Variants in ARHGAP32 observed in about 807,000 individuals in gnomAD.
ARHGAP32 encodes the protein Rho GTPase activating protein 32.
Under a neutral mutation model 186.5 loss-of-function variants are expected in ARHGAP32, and 51 were observed. That is an observed-to-expected ratio of 0.27 (90% CI 0.22 to 0.35). The LOEUF is 0.35. Ranked by LOEUF, ARHGAP32 falls within the 10% of genes least tolerant of loss-of-function variation. ARHGAP32 has a pLI of 1.00. For synonymous variants in ARHGAP32, 950 were observed against 964.3 expected (o/e 0.99, Z 0.27); for missense variants, 2,186 against 2,623.5 (o/e 0.83, Z 3.64).
intron 10 of ARHGAP32, among the ~76,000 whole-genome samples, chr11:129,050,469 T>C (rs1301762273): frequency 2.0e-5 from 3 of 152,152 alleles, no homozygotes; most frequent in Non-Finnish European, 4.4e-5. Flanking sequence ...GCCTCCCAAG[T>C]AGCCGGGACT....
At chr11:129,129,456 TG>T (rs1395187246) in intron 2 of ARHGAP32, among the ~76,000 whole-genome samples, 4 of 141,018 alleles carry the variant, frequency 2.8e-5, no homozygotes, top group African/African-American at 1.1e-4. Flanking sequence ...GTCTGGGAGG[TG>T]GGGGGCGCCT....
In ARHGAP32 at chr11:128,970,343, G is replaced by A. The variant is rs754400466; in HGVS notation, c.4870C>T (p.Pro1624Ser). 5 of 1,614,064 alleles carry A rather than the reference G, an allele frequency of 3.1e-6. No individual in the cohort carries two copies. In the African/African-American group the frequency reaches 6.7e-5, roughly 22 times the overall value. Reference sequence around the variant, plus strand: ...TACAGAGGTCTTGGGCAGTAGGCTGGCTCATCATCTGGGGGAACTTCTGTC... The same window carrying A: ...TACAGAGGTCTTGGGCAGTAGGCTGACTCATCATCTGGGGGAACTTCTGTC... The part of the protein sequence containing the change: ...SRTEVPPDDE[P>S]AYCPRPLYQY... The change falls in exon 23 of 23, where the codon CCA becomes TCA. Residue 1624 changes from proline to serine, a missense_variant. By Grantham distance (74) the Pro-to-Ser change is moderately conservative (BLOSUM62 -1). Around this residue, in one of 5 missense-constraint regions of ARHGAP32, gnomAD observed 1,502 missense variants for 1,570.0 expected, o/e 0.96. Coordinates refer to ENST00000682385, the MANE Select transcript of ARHGAP32 (RefSeq NM_001378024.1). This position sits in a 1 kb window ranked among gnomAD's most constrained non-coding sequence, Gnocchi z 5.8.
rs563917816 is a variant in ARHGAP32 at position 129,212,763 on chromosome 11, G to A, written c.-4-48336C>T. Among the ~76,000 whole-genome samples the A allele has an allele frequency of 5.2e-4, 79 of 152,170 alleles. 1 individual carries two copies. The South Asian group carries it at 0.016, about 31-fold the overall frequency. On this transcript the variant is annotated intron_variant, in intron 1 of 6. Transcript: ENST00000525234. ...ACTTGTTGTGTACTTAAATATTTGT[G>A]ATCCAATTTGATCATTAAACATTGT...
chr11:129,067,679 T>C (rs537756918), intron 6 of ARHGAP32, among the ~76,000 whole-genome samples: 1 of 152,032 alleles, frequency 6.6e-6, no homozygotes, highest in Non-Finnish European at 1.5e-5. Context: ...ATCCCGACTG[T>C]ATAGCATATA....
intron 1 of ARHGAP32, among the ~76,000 whole-genome samples, chr11:129,270,224 AG>A (rs1335990051): frequency 6.6e-6 from 1 of 152,224 alleles, no homozygotes; most frequent in African/African-American, 2.4e-5. Context: ...AAGACAGGGA[AG>A]AAACTTAAAT....
chr11:129,040,470 T>C (rs1205133538), intron 11 of ARHGAP32, among the ~76,000 whole-genome samples: 1 of 152,198 alleles, frequency 6.6e-6, no homozygotes, highest in African/African-American at 2.4e-5. Flanking sequence ...ATTTGTAATA[T>C]ATTCTAGATA....
intron 2 of ARHGAP32, among the ~76,000 whole-genome samples, chr11:129,157,818 G>A (rs1943443252): frequency 6.6e-6 from 1 of 152,034 alleles, no homozygotes; most frequent in Non-Finnish European, 1.5e-5. Context: ...AAATGTTAAG[G>A]GCAGCCAGAG....
chr11:129,165,097 C>G (rs984794930), intron 1 of ARHGAP32, among the ~76,000 whole-genome samples: 2 of 152,048 alleles, frequency 1.3e-5, no homozygotes, highest in Non-Finnish European at 2.9e-5. Flanking sequence ...GATGAGAAGG[C>G]AGAGGTTGGA....
intron 6 of ARHGAP32, among the ~76,000 whole-genome samples, chr11:129,068,693 A>G (rs970525676): frequency 3.9e-5 from 6 of 152,014 alleles, no homozygotes; most frequent in African/African-American, 1.4e-4. Flanking sequence ...TTCTTTTTGT[A>G]TGAATTGCCT....
In ARHGAP32 at chr11:129,244,232, T is replaced by G. The variant is rs114090601; in HGVS notation, c.-5+34914A>C. Among the ~76,000 whole-genome samples the G allele has an allele frequency of 1.8e-3, 279 of 152,248 alleles. 3 individuals are homozygous for G. Among genetic ancestry groups the G allele is most frequent in the African/African-American group, 6.5e-3 (271 of 41,546 alleles). On this transcript the variant is annotated intron_variant, in intron 1 of 6. Transcript: ENST00000525234. ...ACTGAGTCAGAGTGAGAACCCTGTC[T>G]CAGAAAAAAAGAAAGAAAACTGAGT...
chr11:128,969,370 G>A lies in ARHGAP32; in HGVS notation c.5843C>T (p.Ser1948Phe). The change falls in exon 23 of 23, where the codon TCT (serine) becomes TTT (phenylalanine). Residue 1948 changes from serine (S) to phenylalanine (F), a missense_variant. Physicochemically the swap from Ser to Phe is radical, Grantham distance 155. This residue lies in a region of ARHGAP32 where 1,502 missense variants were observed against 1,570.0 expected (regional missense o/e 0.96). Transcript: ENST00000682385. This position sits in a 1 kb window ranked among gnomAD's most constrained non-coding sequence, Gnocchi z 4.8. ...GVKYAASGQESLRLNHKEVRL... is the reference protein window; with the variant it reads ...GVKYAASGQEFLRLNHKEVRL... ...TACCTCTTTGTGGTTCAGTCTTAAA[G>A]ATTCTTGCCCGGATGCAGCATATTT... The A allele has an allele frequency of 1.2e-6, 2 of 1,614,226 alleles. No individual in the cohort carries two copies. Among genetic ancestry groups the A allele is most frequent in the Non-Finnish European group, 1.7e-6 (2 of 1,180,036 alleles).
At chr11:128,993,300 T>C (rs1442751399) in intron 12 of ARHGAP32, 1 of 152,202 alleles carries the variant, frequency 6.6e-6, no homozygotes, top group Non-Finnish European at 1.5e-5. Flanking sequence ...CTTATCTCTG[T>C]ATTGTTCAAA....
intron 12 of ARHGAP32, among the ~76,000 whole-genome samples, chr11:128,989,563 T>TA (rs1223052468): frequency 5.2e-5 from 6 of 115,396 alleles, no homozygotes; most frequent in African/African-American, 2.0e-4. Context: ...CACATACATA[T>TA]ATCTTTTTTT....
chr11:128,982,474 C>CGTGTGT (rs60379183), intron 15 of ARHGAP32, among the ~76,000 whole-genome samples: 7,992 of 147,396 alleles, frequency 0.054, 261 homozygotes, highest in Non-Finnish European at 0.071. Context: ...AGGTAAGTGC[C>CGTGTGT]GTGTGTGTGT....
At chr11:129,263,688 G>GAA (rs142654889) in intron 1 of ARHGAP32, among the ~76,000 whole-genome samples, 44,470 of 149,504 alleles carry the variant, frequency 0.3, 6,936 homozygotes, top group Middle Eastern at 0.4. Context: ...AGAAAAGAAA[G>GAA]AGAAAAAGAA....
At chr11:128,980,883 T>G (rs548580475) in intron 17 of ARHGAP32, 135 bp from the exon 18 acceptor site, 1 of 613,140 alleles carries the variant, frequency 1.6e-6, no homozygotes, top group African/African-American at 1.9e-5. Context: ...GCAAAAACCA[T>G]AGTGCTTTAT....
At chr11:129,030,363 A>G (rs1939059072) in intron 11 of ARHGAP32, 2 of 152,212 alleles carry the variant, frequency 1.3e-5, no homozygotes, top group Non-Finnish European at 2.9e-5. Flanking sequence ...ATTTAGAACA[A>G]AACAACTGGA....
In ARHGAP32 at chr11:128,971,156, G is replaced by T; in HGVS notation, c.4057C>A (p.Gln1353Lys). The stretch of plus-strand genomic sequence containing the variant: ...CTCTCTGGAACTGGAACTACTCCTT[G>T]AACCTATTGAAAGATGATAATACTA... ...NIGLNNSHKV[Q>K]GVVPVPERPP... The change falls in exon 23 of 23, where the codon CAA becomes AAA. Residue 1353 changes from glutamine to lysine, a missense_variant. Around this residue, in one of 5 missense-constraint regions of ARHGAP32, gnomAD observed 1,502 missense variants for 1,570.0 expected, o/e 0.96. Coordinates refer to ENST00000682385, the MANE Select transcript of ARHGAP32 (RefSeq NM_001378024.1). The T allele has an allele frequency of 6.2e-7, 1 of 1,605,416 alleles. No homozygotes were observed. Among genetic ancestry groups the T allele is most frequent in the Non-Finnish European group, 8.5e-7 (1 of 1,173,536 alleles).
intron 1 of ARHGAP32, among the ~76,000 whole-genome samples, chr11:129,180,101 T>A (rs1944020989): frequency 6.6e-6 from 1 of 152,126 alleles, no homozygotes; most frequent in Non-Finnish European, 1.5e-5. Context: ...TGTATTTACA[T>A]ATACCACTAT....
Sources: allele counts gnomAD v4.1 joint callset (sites outside exome capture counted in the v4.1 genomes callset), GRCh38; gene constraint gnomAD v4.1.1; regional missense constraint gnomAD v4.1.1; non-coding constraint Gnocchi (gnomAD v3.1); transcripts MANE v1.5; gene names NCBI Gene and HGNC (gene_info 2026-07-23, HGNC 2026-07-21).